Variants in ADCY2 observed in about 807,000 individuals in gnomAD.
ADCY2 encodes the protein adenylate cyclase 2, also known as adenylate cyclase type 2.
A neutral mutation model predicts 125.2 loss-of-function variants in ADCY2; 31 were observed. That is an observed-to-expected ratio of 0.25 (90% CI 0.19 to 0.33). The LOEUF is 0.33. ADCY2 is among the 10% of genes least tolerant of loss of function. ADCY2 has a pLI of 1.00. For missense variants in ADCY2, 904 were observed against 1,418.2 expected (o/e 0.64, Z 5.82); for synonymous variants, 512 against 548.4 (o/e 0.93, Z 0.93).
rs188979735 is a variant in ADCY2 at position 7,642,257 on chromosome 5, G to A, written c.720+15941G>A. 4.0e-3 allele frequency among the ~76,000 whole-genome samples: 608 copies of A among 152,178 alleles called. 4 individuals carry two copies. Among genetic ancestry groups the A allele is most frequent in the African/African-American group, 0.014 (573 of 41,540 alleles). ...TGGTATGTCATTGTGGTTTCAGTTT[G>A]CATTTCTAATGATTAGTCATATTGA... is the stretch of plus-strand genomic sequence containing the variant. On this transcript the variant is annotated intron_variant, in intron 4 of 24. Coordinates refer to ENST00000338316, the MANE Select transcript of ADCY2 (RefSeq NM_020546.3).
intron 2 of ADCY2, among the ~76,000 whole-genome samples, chr5:7,501,966 AC>A (rs1486932973): frequency 2.6e-5 from 4 of 152,094 alleles, no homozygotes; most frequent in Non-Finnish European, 4.4e-5. Context: ...CTGGGGAAAT[AC>A]TATTCACGAT....
At chr5:7,425,869 T>C (rs979694428) in intron 2 of ADCY2, among the ~76,000 whole-genome samples, 22 of 152,238 alleles carry the variant, frequency 1.4e-4, no homozygotes, top group African/African-American at 5.3e-4. Flanking sequence ...GTGTTTCCCA[T>C]TGGAACTGTA....
At chr5:7,541,028 C>T (rs1225457460) in intron 3 of ADCY2, among the ~76,000 whole-genome samples, 2 of 152,166 alleles carry the variant, frequency 1.3e-5, no homozygotes, top group East Asian at 3.9e-4. Context: ...CTATAGTCAA[C>T]CCTCCTGACC....
At chr5:7,756,455 T>TA (rs902682030) in intron 15 of ADCY2, among the ~76,000 whole-genome samples, 5 of 151,834 alleles carry the variant, frequency 3.3e-5, no homozygotes, top group African/African-American at 7.3e-5. Context: ...TATGAATGGA[T>TA]AAAAAAAAGT....
At chr5:7,520,998 C>T in intron 3 of ADCY2, 99 bp downstream of exon 3, 5 of 1,437,424 alleles carry the variant, frequency 3.5e-6, no homozygotes, top group East Asian at 4.6e-5. Flanking sequence ...TAGTGTGGTA[C>T]CTGCAGCTGT....
chr5:7,620,537 A>AC (rs1737920596), intron 3 of ADCY2, among the ~76,000 whole-genome samples: 1 of 152,198 alleles, frequency 6.6e-6, no homozygotes, highest in Non-Finnish European at 1.5e-5. Context: ...AAGAGCAGAA[A>AC]CCCTGAGGCC....
chr5:7,768,452 C>A (rs778475851), intron 17 of ADCY2, among the ~76,000 whole-genome samples: 1 of 152,166 alleles, frequency 6.6e-6, no homozygotes, highest in East Asian at 1.9e-4. Context: ...GAGAGTGCAC[C>A]GACCAAACAG....
At chr5:7,782,778 T>C (rs962752096) in intron 18 of ADCY2, among the ~76,000 whole-genome samples, 2 of 152,172 alleles carry the variant, frequency 1.3e-5, no homozygotes, top group Non-Finnish European at 2.9e-5. Flanking sequence ...GTAAAAAGAG[T>C]TTAAAATTCA....
intron 3 of ADCY2, among the ~76,000 whole-genome samples, chr5:7,563,287 A>G (rs1346151435): frequency 1.3e-5 from 2 of 152,212 alleles, no homozygotes; most frequent in East Asian, 1.9e-4. Flanking sequence ...GTGCAGCAAT[A>G]TAGAACTTCA....
intron 1 of ADCY2, among the ~76,000 whole-genome samples, chr5:7,414,266 T>C (rs1739847715): frequency 6.6e-6 from 1 of 152,262 alleles, no homozygotes; most frequent in South Asian, 2.1e-4. Context: ...CTCCTGGCAT[T>C]AATGTGTTCT....
intron 3 of ADCY2, among the ~76,000 whole-genome samples, chr5:7,574,748 C>T (rs1352266503): frequency 6.6e-6 from 1 of 152,140 alleles, no homozygotes; most frequent in African/African-American, 2.4e-5. Flanking sequence ...ACATGGAGGA[C>T]ATCCTTTGAG....
intron 3 of ADCY2, among the ~76,000 whole-genome samples, chr5:7,558,201 C>T (rs561639595): frequency 2.6e-5 from 4 of 152,098 alleles, no homozygotes; most frequent in East Asian, 3.9e-4. Flanking sequence ...TACAGGTGCA[C>T]GCCACCACGC....
At chr5:7,691,098 A>G (rs13172699) in intron 5 of ADCY2, 132,793 of 277,158 alleles carry the variant, frequency 0.48, 33,032 homozygotes, top group East Asian at 0.82. Flanking sequence ...GTAGCCAAGC[A>G]TCCATCACAG....
At chr5:7,515,407 T>A (rs1173332728) in intron 2 of ADCY2, among the ~76,000 whole-genome samples, 1 of 152,080 alleles carries the variant, frequency 6.6e-6, no homozygotes, top group Non-Finnish European at 1.5e-5. Flanking sequence ...TCAAGAGAGT[T>A]GAGTGGGGGA....
intron 3 of ADCY2, among the ~76,000 whole-genome samples, chr5:7,613,283 A>G (rs1431258342): frequency 1.3e-5 from 2 of 152,208 alleles, no homozygotes; most frequent in African/African-American, 4.8e-5. Flanking sequence ...TAGCTCAACT[A>G]CAGAAATGCA....
intron 3 of ADCY2, among the ~76,000 whole-genome samples, chr5:7,590,698 CATA>C (rs1381846951): frequency 6.6e-6 from 1 of 152,048 alleles, no homozygotes; most frequent in Non-Finnish European, 1.5e-5. Flanking sequence ...ACCATAGTTT[CATA>C]ATAATACCAA....
intron 22 of ADCY2, among the ~76,000 whole-genome samples, chr5:7,815,462 C>T (rs986241636): frequency 2.0e-5 from 3 of 152,190 alleles, no homozygotes; most frequent in African/African-American, 7.2e-5. Context: ...CCGTGCTCCA[C>T]CCCACTTTGG....
intron 3 of ADCY2, among the ~76,000 whole-genome samples, chr5:7,594,863 G>A (rs928969052): frequency 3.3e-5 from 5 of 152,170 alleles, no homozygotes; most frequent in African/African-American, 4.8e-5. Context: ...CTAACATCAT[G>A]AACCTTATTT....
intron 21 of ADCY2, among the ~76,000 whole-genome samples, chr5:7,804,195 C>A (rs1744690097): frequency 6.6e-6 from 1 of 152,096 alleles, no homozygotes; most frequent in Admixed American, 6.5e-5. Flanking sequence ...AATAATTGAT[C>A]ATAAATCATT....
Sources: gnomAD v4.1 joint callset for allele counts (sites outside exome capture counted in the v4.1 genomes callset) on GRCh38, gnomAD v4.1.1 for gene constraint, MANE v1.5 for transcripts, NCBI Gene and HGNC (gene_info 2026-07-23, HGNC 2026-07-21) for gene names.